SHROOM3: variants seen among roughly 807,000 people sequenced by gnomAD.
SHROOM3 encodes shroom family member 3.
SHROOM3 carries 47 observed loss-of-function variants against 138.6 expected under a neutral mutation model. The observed-to-expected ratio is 0.34, with a 90% CI of 0.27 to 0.43. The LOEUF is 0.43. SHROOM3 is among the 20% of genes least tolerant of loss of function. SHROOM3 has a pLI of 1.00. For missense variants in SHROOM3, 2,491 were observed against 2,596.5 expected, an observed-to-expected ratio of 0.96 and a Z score of 0.88; for synonymous variants, 1,062 against 1,063.3, an observed-to-expected ratio of 1.00 and a Z score of 0.02.
chr4:76,675,810 C>T (rs1014736174), intron 2 of SHROOM3, among the ~76,000 whole-genome samples: 6 of 152,130 alleles, frequency 3.9e-5, no homozygotes, highest in East Asian at 3.9e-4. Flanking sequence ...CAGTGAGCTG[C>T]GATCATGCCA....
At chr4:76,599,329 T>TTGA (rs1734456661) in intron 2 of SHROOM3, among the ~76,000 whole-genome samples, 1 of 152,094 alleles carries the variant, frequency 6.6e-6, no homozygotes, top group Non-Finnish European at 1.5e-5. Flanking sequence ...GAATGAGCAA[T>TTGA]TGATATGAAA....
rs146675996 is a variant in SHROOM3 at position 76,449,126 on chromosome 4, G to A, written c.168+12906G>A. Reference sequence around the variant, plus strand: ...ATGAAATCAAGATTTTCTCCCTCCCGTCTGAGAGTAGGATCCACTCTCTTG... The same window carrying A: ...ATGAAATCAAGATTTTCTCCCTCCCATCTGAGAGTAGGATCCACTCTCTTG... On this transcript the variant is annotated intron_variant, in intron 1 of 10. Transcript: ENST00000296043. 1.8e-4 allele frequency among the ~76,000 whole-genome samples: 27 copies of A among 152,196 alleles called. 1 individual carries two copies. Among genetic ancestry groups the A allele is most frequent in the African/African-American group, 6.0e-4 (25 of 41,516 alleles).
In SHROOM3 at chr4:76,661,262, G is replaced by T. The variant is rs182930083; in HGVS notation, c.324-48894G>T. 4.4e-3 allele frequency among the ~76,000 whole-genome samples: 645 copies of T among 148,196 alleles called. 2 individuals are homozygous for T. Among genetic ancestry groups the T allele is most frequent in the Middle Eastern group, 0.021 (6 of 288 alleles). On this transcript the variant is annotated intron_variant, in intron 2 of 10. Coordinates refer to ENST00000296043, the MANE Select transcript of SHROOM3 (RefSeq NM_020859.4). ...TTTTTTTTTTCTGAGACGGAGTCTC[G>T]CTCTGTCGCCCAGGCTGGAGTGCAA...
chr4:76,481,324 A>G (rs923832002), intron 1 of SHROOM3, among the ~76,000 whole-genome samples: 1 of 152,204 alleles, frequency 6.6e-6, no homozygotes, highest in Non-Finnish European at 1.5e-5. Context: ...AGAAATGCAA[A>G]CTACCATCAG....
chr4:76,497,460 A>C (rs1731991562), intron 1 of SHROOM3, among the ~76,000 whole-genome samples: 1 of 152,242 alleles, frequency 6.6e-6, no homozygotes, highest in Non-Finnish European at 1.5e-5. Flanking sequence ...AAACAGAGGA[A>C]CATAACATAG....
intron 10 of SHROOM3, among the ~76,000 whole-genome samples, 199 bp downstream of exon 10, chr4:76,771,097 G>A (rs1002387546): frequency 6.6e-6 from 1 of 152,200 alleles, no homozygotes; most frequent in Admixed American, 6.5e-5. Context: ...AGGCGTGGTG[G>A]CTCATACCTG....
chr4:76,682,579 G>T (rs1245659147), intron 2 of SHROOM3, among the ~76,000 whole-genome samples: 1 of 151,860 alleles, frequency 6.6e-6, no homozygotes, highest in Non-Finnish European at 1.5e-5. Flanking sequence ...GCATATAACA[G>T]GTTCTCAGTA....
intron 3 of SHROOM3, among the ~76,000 whole-genome samples, chr4:76,714,206 A>G (rs551627079): frequency 1.8e-4 from 28 of 152,324 alleles, no homozygotes; most frequent in Non-Finnish European, 3.8e-4. Context: ...TATATAAACT[A>G]TAAACTTTAC....
chr4:76,508,828 G>T (rs1218619127), intron 1 of SHROOM3, among the ~76,000 whole-genome samples: 3 of 152,166 alleles, frequency 2.0e-5, no homozygotes, highest in Non-Finnish European at 4.4e-5. Flanking sequence ...TAAATTTGTT[G>T]CTCATAGTTA....
chr4:76,552,062 C>G lies in SHROOM3; in HGVS notation c.169-3547C>G, dbSNP rs1220272967. On this transcript the variant is annotated intron_variant, in intron 1 of 10. Transcript: ENST00000296043. ...ATCTTTAGTAGAGACGGGGTTTCAC[C>G]GTGTTAGCCAGGATGGACTCGATCT... Among the ~76,000 whole-genome samples the G allele has an allele frequency of 6.7e-5, 10 of 148,616 alleles. No individual in the cohort carries two copies. The South Asian group carries it at 2.0e-3, about 29-fold the overall frequency.
At chr4:76,742,467 A>C (rs777608485) in intron 5 of SHROOM3, among the ~76,000 whole-genome samples, 29 of 152,102 alleles carry the variant, frequency 1.9e-4, no homozygotes, top group Non-Finnish European at 3.7e-4. Context: ...CCCTCATGAT[A>C]ATCCTGTGCA....
chr4:76,652,658 T>C (rs1213570326), intron 2 of SHROOM3, among the ~76,000 whole-genome samples: 2 of 152,126 alleles, frequency 1.3e-5, no homozygotes, highest in African/African-American at 4.8e-5. Context: ...TTACATTTCC[T>C]TATGATCCCA....
intron 1 of SHROOM3, among the ~76,000 whole-genome samples, chr4:76,537,339 G>A (rs1205595855): frequency 1.3e-5 from 2 of 152,182 alleles, no homozygotes; most frequent in African/African-American, 4.8e-5. Context: ...GAGGGGCAGA[G>A]TGTATGATTG....
At chr4:76,672,763 AG>A (rs1353546077) in intron 2 of SHROOM3, among the ~76,000 whole-genome samples, 2 of 152,130 alleles carry the variant, frequency 1.3e-5, no homozygotes, top group African/African-American at 4.8e-5. Context: ...TAGTAAAGAC[AG>A]GGTTTCACCA....
At position 76,611,536 on chromosome 4, in the gene SHROOM3, C is replaced by G. The variant is rs1423578926; in HGVS notation, c.323+55773C>G. Among the ~76,000 whole-genome samples, 3 of 152,132 alleles carry G rather than the reference C, an allele frequency of 2.0e-5. No homozygotes were observed. In the East Asian group the frequency reaches 5.8e-4, roughly 29 times the overall value. ...TCATTCCTGGATGCTAAAGGGGCAT[C>G]CTGGCTCCCTGAAGAAACTGAGACT... is the stretch of plus-strand genomic sequence containing the variant. On this transcript the variant is annotated intron_variant, in intron 2 of 10. Coordinates refer to ENST00000296043, the MANE Select transcript of SHROOM3 (RefSeq NM_020859.4).
At chr4:76,581,926 C>T (rs1352024110) in intron 2 of SHROOM3, among the ~76,000 whole-genome samples, 1 of 152,242 alleles carries the variant, frequency 6.6e-6, no homozygotes, top group Non-Finnish European at 1.5e-5. Context: ...TCTACAATCA[C>T]TCTTCCTTCT....
chr4:76,726,105 A>T (rs1254878376), intron 3 of SHROOM3, among the ~76,000 whole-genome samples: 1 of 152,020 alleles, frequency 6.6e-6, no homozygotes, highest in Admixed American at 6.6e-5. Flanking sequence ...CTAGTTGCCA[A>T]ATCCAGTGGC....
At position 76,779,209 on chromosome 4, in the gene SHROOM3, T is replaced by G; in HGVS notation, c.*32T>G. 6.4e-7 allele frequency: 1 copy of G among 1,572,114 alleles called. No homozygotes were observed. The highest frequency in any genetic ancestry group is 1.7e-4 in the Middle Eastern group (1 of 5,832). ...CTAAAATACCCAACCAAAAGATCAC[T>G]GTTTCTCTCAACACTATTTAATCTG... On this transcript the variant is annotated 3_prime_UTR_variant, in exon 11 of 11. Transcript: ENST00000296043.
In SHROOM3 at chr4:76,435,936, C is replaced by A; in HGVS notation, c.-117C>A. On this transcript the variant is annotated 5_prime_UTR_variant, in exon 1 of 11. Coordinates refer to ENST00000296043, the MANE Select transcript of SHROOM3 (RefSeq NM_020859.4). Reference sequence around the variant, plus strand: ...GTATGGAAGAATTTGCTTCTCCAAACCTCTCTTTTGGCCATTGTGTGTCCT... The same window carrying A: ...GTATGGAAGAATTTGCTTCTCCAAAACTCTCTTTTGGCCATTGTGTGTCCT... 1 of 1,056,694 alleles carries A rather than the reference C, an allele frequency of 9.5e-7. No individual in the cohort carries two copies. The highest frequency in any genetic ancestry group is 1.4e-6 in the Non-Finnish European group (1 of 735,320). 65.5% of individuals were successfully genotyped at this position (1,056,694 alleles called of 1,614,324 possible). A position where few individuals can be genotyped will look rare whatever the true frequency, so the allele number is the denominator to read the frequency against.
Sources: gnomAD v4.1 joint callset for allele counts (sites outside exome capture counted in the v4.1 genomes callset) on GRCh38, gnomAD v4.1.1 for gene constraint, MANE v1.5 for transcripts, NCBI Gene and HGNC (gene_info 2026-07-23, HGNC 2026-07-21) for gene names.